Variants in NSG2 observed in about 807,000 individuals in gnomAD.
The protein encoded by NSG2 is neuronal vesicle trafficking-associated protein 2.
NSG2 carries 4 observed loss-of-function variants against 16.9 expected under a neutral mutation model. The ratio of observed to expected loss-of-function variants is 0.24; its 90% CI spans 0.12 to 0.54. NSG2 has a LOEUF of 0.54. Among genes scored for constraint, NSG2 ranks in the 20% least tolerant of loss-of-function variants. The pLI is 0.95. For synonymous variants in NSG2, 98 were observed against 88.7 expected (o/e 1.11, Z -0.59); for missense variants, 179 against 221.1 (o/e 0.81, Z 1.21).
chr5:174,069,637 A>G (rs867183114), intron 3 of NSG2, among the ~76,000 whole-genome samples: 26 of 151,966 alleles, frequency 1.7e-4, no homozygotes, highest in African/African-American at 6.0e-4. Flanking sequence ...TTTCTTTCCT[A>G]TTTATATCCT....
rs1435126822 is a variant in NSG2 at position 174,104,282 on chromosome 5, G to A, written c.268G>A (p.Val90Met). The change falls in exon 4 of 5, where the codon GTG becomes ATG. Residue 90 changes from valine (V) to methionine (M), a missense_variant. Transcript: ENST00000303177. ...TTTCCTTGCGTGCATCGTGTTCCTG[G>A]TGGTTTACAAAGCCTTCACCTATGA... ...LAFLACIVFL[V>M]VYKAFTYDHS... 1 of 1,614,182 alleles carries A rather than the reference G, an allele frequency of 6.2e-7. No individual in the cohort carries two copies. Among genetic ancestry groups the A allele is most frequent in the Non-Finnish European group, 8.5e-7 (1 of 1,180,026 alleles).
chr5:174,097,196 C>T (rs943730332), intron 3 of NSG2, among the ~76,000 whole-genome samples: 1 of 152,090 alleles, frequency 6.6e-6, no homozygotes, highest in African/African-American at 2.4e-5. Flanking sequence ...ACTCTGTGCT[C>T]TATTTTGAAT....
chr5:174,077,590 C>T (rs1334369637), intron 3 of NSG2, among the ~76,000 whole-genome samples: 1 of 152,210 alleles, frequency 6.6e-6, no homozygotes, highest in Admixed American at 6.5e-5. Flanking sequence ...GCCACCTATT[C>T]ATCTCATAAA....
At position 174,088,746 on chromosome 5, in the gene NSG2, G is replaced by A. The variant is rs187879975; in HGVS notation, c.214-15482G>A. 3.9e-5 allele frequency among the ~76,000 whole-genome samples: 6 copies of A among 152,268 alleles called. No homozygotes were observed. The South Asian group carries it at 6.2e-4, about 16-fold the overall frequency. On this transcript the variant is annotated intron_variant, in intron 3 of 4. Coordinates refer to ENST00000303177, the MANE Select transcript of NSG2 (RefSeq NM_015980.5). ...TTTCCTCCTTACATCCGTGCTTCAAGGTGGCTATTAGGATTCTCGTTTCCA... is the reference window on the plus strand; with the variant it reads ...TTTCCTCCTTACATCCGTGCTTCAAAGTGGCTATTAGGATTCTCGTTTCCA...
rs755636550 is a variant in NSG2, at chr5:174,107,047, C to G, written c.325-267C>G. Among the ~76,000 whole-genome samples, 70 of 152,236 alleles carry G rather than the reference C, an allele frequency of 4.6e-4. No individual in the cohort carries two copies. The highest frequency in any genetic ancestry group is 8.8e-4 in the Non-Finnish European group (60 of 68,022). ...GGGTCTCTACAGCATCCACTACAGC[C>G]GGACAGTCAGTATGCAGAGAAGGCT... On this transcript the variant is annotated intron_variant, in intron 4 of 4. Transcript: ENST00000303177. This position sits in a 1 kb window ranked among gnomAD's most constrained non-coding sequence, Gnocchi z 4.5.
intron 3 of NSG2, among the ~76,000 whole-genome samples, chr5:174,071,266 A>G (rs1278079620): frequency 6.6e-6 from 1 of 152,206 alleles, no homozygotes; most frequent in African/African-American, 2.4e-5. Context: ...AGGTGGGTGG[A>G]TCACGAGGTC....
intron 2 of NSG2, among the ~76,000 whole-genome samples, chr5:174,047,562 G>A (rs1759819506): frequency 6.6e-6 from 1 of 152,200 alleles, no homozygotes; most frequent in Admixed American, 6.5e-5. Context: ...ATGGAGTGGG[G>A]AAGGGAAGGC....
intron 3 of NSG2, among the ~76,000 whole-genome samples, chr5:174,097,805 G>A (rs1760828248): frequency 6.6e-6 from 1 of 151,262 alleles, no homozygotes; most frequent in Non-Finnish European, 1.5e-5. Flanking sequence ...CTGTGTGTGT[G>A]TGTAACTGTG....
intron 3 of NSG2, among the ~76,000 whole-genome samples, chr5:174,101,565 G>A (rs143860554): frequency 2.0e-4 from 31 of 152,326 alleles, no homozygotes; most frequent in East Asian, 3.9e-4. Context: ...GGCCATTGGC[G>A]TCTGGGTTCT....
chr5:174,087,328 C>T (rs1249258612), intron 3 of NSG2, among the ~76,000 whole-genome samples: 1 of 152,114 alleles, frequency 6.6e-6, no homozygotes, highest in Non-Finnish European at 1.5e-5. Flanking sequence ...TGCACATGGC[C>T]TTTATGGTCA....
chr5:174,061,153 A>G (rs957426847), intron 2 of NSG2, among the ~76,000 whole-genome samples: 2 of 152,210 alleles, frequency 1.3e-5, no homozygotes, highest in African/African-American at 2.4e-5. Flanking sequence ...ACACACATAT[A>G]TACATACACA....
chr5:174,079,357 A>C (rs1760407800), intron 3 of NSG2, among the ~76,000 whole-genome samples: 1 of 151,976 alleles, frequency 6.6e-6, no homozygotes, highest in East Asian at 1.9e-4. Flanking sequence ...TCCCGGGCTC[A>C]AGCGATTCTC....
intron 2 of NSG2, among the ~76,000 whole-genome samples, chr5:174,048,666 A>C (rs1466139296): frequency 6.6e-6 from 1 of 152,172 alleles, no homozygotes; most frequent in Non-Finnish European, 1.5e-5. Flanking sequence ...AGCCTTCTAC[A>C]TGCCTGCAGG....
At chr5:174,046,354 C>CG (rs60922236) in intron 1 of NSG2, among the ~76,000 whole-genome samples, 1,662 of 148,318 alleles carry the variant, frequency 0.011, 15 homozygotes, top group African/African-American at 0.027. Flanking sequence ...ATACTGCAGG[C>CG]GGGGGGGGTG....
At chr5:174,075,214 C>T (rs112876679) in intron 3 of NSG2, among the ~76,000 whole-genome samples, 5 of 152,060 alleles carry the variant, frequency 3.3e-5, no homozygotes, top group African/African-American at 1.2e-4. Flanking sequence ...TTTTAATATA[C>T]GGATGAGAAA....
At chr5:174,096,506 C>A (rs977543117) in intron 3 of NSG2, among the ~76,000 whole-genome samples, 4 of 152,050 alleles carry the variant, frequency 2.6e-5, no homozygotes, top group African/African-American at 9.7e-5. Context: ...GAGGTTAAAT[C>A]CAAAAATGCC....
chr5:174,057,536 T>C (rs577405108), intron 2 of NSG2, among the ~76,000 whole-genome samples: 1 of 152,356 alleles, frequency 6.6e-6, no homozygotes, highest in African/African-American at 2.4e-5. Flanking sequence ...AGTGACTTTG[T>C]AGGGTTGTAT....
In NSG2 at chr5:174,108,915, A is replaced by G. The variant is rs192962371; in HGVS notation, c.*1410A>G. On this transcript the variant is annotated 3_prime_UTR_variant, in exon 5 of 5. Coordinates refer to ENST00000303177, the MANE Select transcript of NSG2 (RefSeq NM_015980.5). ...GATCATCGTATGCAACAGCTGGGTA[A>G]TAAGACTAGCATAGCTCAAACTATC... is the stretch of plus-strand genomic sequence containing the variant. The G allele has an allele frequency of 1.3e-5, 2 of 152,906 alleles. No individual in the cohort carries two copies. Among genetic ancestry groups the G allele is most frequent in the Admixed American group, 1.3e-4 (2 of 15,304 alleles). The allele number at this position is 152,906 out of a possible 1,614,324, so 9.5% of individuals were successfully genotyped here.
At chr5:174,068,837 T>C (rs1267957510) in intron 3 of NSG2, among the ~76,000 whole-genome samples, 2 of 138,146 alleles carry the variant, frequency 1.4e-5, no homozygotes, top group African/African-American at 5.5e-5. Context: ...ATGGGAATCC[T>C]GGTGCTATGG....
Sources: allele counts gnomAD v4.1 joint callset (sites outside exome capture counted in the v4.1 genomes callset), GRCh38; gene constraint gnomAD v4.1.1; non-coding constraint Gnocchi (gnomAD v3.1); transcripts MANE v1.5; gene names NCBI Gene and HGNC (gene_info 2026-07-23, HGNC 2026-07-21).